The following SLC31A1 variants were observed in gnomAD, a reference collection of about 807,000 sequenced individuals.
SLC31A1 encodes the protein solute carrier family 31 member 1.
In SLC31A1, 5 loss-of-function variants were observed where a neutral mutation model predicts 17.2. The ratio of observed to expected loss-of-function variants is 0.29; its 90% CI spans 0.15 to 0.61. The LOEUF is 0.61. SLC31A1 is among the 20% of genes least tolerant of loss of function. SLC31A1 has a pLI of 0.86. For missense variants in SLC31A1, 161 were observed against 241.4 expected (o/e 0.67, Z 2.21); for synonymous variants, 76 against 78.8 (o/e 0.96, Z 0.19).
rs915409941 is a variant in SLC31A1 at position 113,261,087 on chromosome 9, C to T, written c.*614C>T. ...GACCAGTCTGGCCAACATGGGGAAACCCCGTCTCTACTAAAAATACAAAAA... is the reference window on the plus strand; with the variant it reads ...GACCAGTCTGGCCAACATGGGGAAATCCCGTCTCTACTAAAAATACAAAAA... On this transcript the variant is annotated 3_prime_UTR_variant, in exon 5 of 5. Coordinates refer to ENST00000374212, the MANE Select transcript of SLC31A1 (RefSeq NM_001859.4). 3 of 159,540 alleles carry T rather than the reference C, an allele frequency of 1.9e-5. No individual in the cohort carries two copies. The highest frequency in any genetic ancestry group is 4.2e-5 in the Non-Finnish European group (3 of 72,146). The allele number at this position is 159,540 out of a possible 1,614,324, so 9.9% of individuals were successfully genotyped here. A position where few individuals can be genotyped will look rare whatever the true frequency, so the allele number is the denominator to read the frequency against.
chr9:113,253,186 AC>A (rs1831679627), intron 1 of SLC31A1, among the ~76,000 whole-genome samples: 1 of 151,452 alleles, frequency 6.6e-6, no homozygotes, highest in Admixed American at 6.6e-5. Context: ...TGATCTCCTA[AC>A]CTCGTGATCC....
chr9:113,228,848 C>CT (rs909880844), intron 1 of SLC31A1, among the ~76,000 whole-genome samples: 3 of 150,098 alleles, frequency 2.0e-5, no homozygotes, highest in Non-Finnish European at 1.5e-5. Context: ...TTTGATGATA[C>CT]TTTTTTTTTT....
intron 1 of SLC31A1, among the ~76,000 whole-genome samples, chr9:113,233,622 G>T (rs1160124419): frequency 6.6e-6 from 1 of 152,202 alleles, no homozygotes; most frequent in African/African-American, 2.4e-5. Flanking sequence ...TCCCAAAGAC[G>T]AGTGATTTGG....
At chr9:113,226,919 C>T (rs1020252362) in intron 1 of SLC31A1, among the ~76,000 whole-genome samples, 1 of 152,142 alleles carries the variant, frequency 6.6e-6, no homozygotes, top group African/African-American at 2.4e-5. Context: ...ATCCTCTCTC[C>T]TACCTTTTCT....
Position 113,260,338 on chromosome 9 carries a change from C to T in SLC31A1, c.438C>T (p.Ser146=). Residue 146 remains serine, a synonymous_variant, in exon 5 of 5, where the codon AGC becomes AGT. Coordinates refer to ENST00000374212, the MANE Select transcript of SLC31A1 (RefSeq NM_001859.4). ...TVLHIIQVVI[S]YFLMLIFMTY... is the part of the protein sequence containing the mutation. ...TGCACATCATCCAGGTGGTCATAAG[C>T]TACTTCCTCATGCTCATCTTCATGA... 1.2e-6 allele frequency: 2 copies of T among 1,614,156 alleles called. No homozygotes were observed. The highest frequency in any genetic ancestry group is 1.7e-6 in the Non-Finnish European group (2 of 1,180,024).
intron 1 of SLC31A1, among the ~76,000 whole-genome samples, chr9:113,232,703 G>T (rs972025583): frequency 2.0e-5 from 3 of 151,698 alleles, no homozygotes; most frequent in Non-Finnish European, 4.4e-5. Context: ...AACTAGTCAG[G>T]TGTGGTGGCG....
chr9:113,255,994 T>C (rs1161400259), intron 1 of SLC31A1, 120 bp from the exon 2 acceptor site: 16 of 686,314 alleles, frequency 2.3e-5, no homozygotes, highest in African/African-American at 7.2e-5. Context: ...GGATCATGCC[T>C]GTGAATAGCC....
At chr9:113,225,814 A>G (rs1217467756) in intron 1 of SLC31A1, among the ~76,000 whole-genome samples, 1 of 152,162 alleles carries the variant, frequency 6.6e-6, no homozygotes, top group Non-Finnish European at 1.5e-5. Flanking sequence ...TTCCCACCAG[A>G]AGTGCTACAA....
chr9:113,236,279 C>T (rs1316663735), intron 1 of SLC31A1, among the ~76,000 whole-genome samples: 6 of 152,134 alleles, frequency 3.9e-5, no homozygotes, highest in Non-Finnish European at 5.9e-5. Flanking sequence ...TGAGCCACTG[C>T]GCCCAGCCCT....
chr9:113,236,044 G>C (rs187525294), intron 1 of SLC31A1, among the ~76,000 whole-genome samples: 1 of 152,352 alleles, frequency 6.6e-6, no homozygotes, highest in Admixed American at 6.5e-5. Context: ...CTAGCGTGCA[G>C]TGGCGCAATC....
At chr9:113,243,085 T>G (rs1034097462) in intron 1 of SLC31A1, among the ~76,000 whole-genome samples, 14 of 152,066 alleles carry the variant, frequency 9.2e-5, no homozygotes, top group Non-Finnish European at 1.0e-4. Context: ...CTTTTTTTTT[T>G]TTGTTTAAGT....
chr9:113,246,587 G>A (rs1587992980), intron 1 of SLC31A1, among the ~76,000 whole-genome samples: 1 of 152,122 alleles, frequency 6.6e-6, no homozygotes, highest in Admixed American at 6.5e-5. Context: ...TTCTGACCTC[G>A]TGATCTGCCT....
intron 1 of SLC31A1, among the ~76,000 whole-genome samples, chr9:113,239,573 T>C (rs1440673789): frequency 2.0e-5 from 3 of 152,200 alleles, no homozygotes; most frequent in African/African-American, 7.2e-5. Context: ...TTTAGAATCC[T>C]TAAAATGACC....
intron 1 of SLC31A1, among the ~76,000 whole-genome samples, chr9:113,229,728 A>G (rs1458418830): frequency 6.6e-6 from 1 of 152,220 alleles, no homozygotes; most frequent in Admixed American, 6.5e-5. Context: ...TTGATCTTCT[A>G]TGAGACTTTA....
intron 1 of SLC31A1, among the ~76,000 whole-genome samples, chr9:113,249,450 C>G (rs1411732373): frequency 6.6e-6 from 1 of 151,652 alleles, no homozygotes; most frequent in African/African-American, 2.4e-5. Context: ...CACTGCAACC[C>G]CCACCTCCCG....
intron 1 of SLC31A1, among the ~76,000 whole-genome samples, chr9:113,236,151 C>A (rs1194202891): frequency 2.0e-5 from 3 of 152,052 alleles, no homozygotes; most frequent in African/African-American, 4.8e-5. Flanking sequence ...CCAAACCTGG[C>A]TAGTTTTTGT....
chr9:113,259,598 T>C (rs201986972), intron 4 of SLC31A1, among the ~76,000 whole-genome samples: 3 of 150,394 alleles, frequency 2.0e-5, no homozygotes, highest in African/African-American at 7.3e-5. Context: ...TTTTTTTTTT[T>C]TCTGGAGACA....
At position 113,261,733 on chromosome 9, in the gene SLC31A1, A is replaced by G. The variant is rs1243372872; in HGVS notation, c.*1260A>G. 1 of 152,568 alleles carries G rather than the reference A, an allele frequency of 6.6e-6. No homozygotes were observed. The highest frequency in any genetic ancestry group is 6.5e-5 in the Admixed American group (1 of 15,274). The allele number at this position is 152,568 out of a possible 1,614,324, so 9.5% of individuals were successfully genotyped here. A position where few individuals can be genotyped will look rare whatever the true frequency, so the allele number is the denominator to read the frequency against. ...GCTGGGCCTCAACCCAAAAGCCCCC[A>G]AAGTGGCACTTCTGAGTTCCTGCTG... On this transcript the variant is annotated 3_prime_UTR_variant, in exon 5 of 5. Transcript: ENST00000374212.
At chr9:113,228,453 A>T (rs74862752) in intron 1 of SLC31A1, among the ~76,000 whole-genome samples, 1,617 of 152,262 alleles carry the variant, frequency 0.011, 12 homozygotes, top group Middle Eastern at 0.031. Flanking sequence ...TAACTAAAAG[A>T]CCTTTTCAGT....
Sources: gnomAD v4.1 joint callset for allele counts (sites outside exome capture counted in the v4.1 genomes callset) on GRCh38, gnomAD v4.1.1 for gene constraint, MANE v1.5 for transcripts, NCBI Gene and HGNC (gene_info 2026-07-23, HGNC 2026-07-21) for gene names.